Variants in GRM1 observed in about 807,000 individuals in gnomAD.
The protein encoded by GRM1 is glutamate metabotropic receptor 1.
A neutral mutation model predicts 90.9 loss-of-function variants in GRM1; 33 were observed. That is an observed-to-expected ratio of 0.36 (90% CI 0.28 to 0.49). The LOEUF is 0.49. Among genes scored for constraint, GRM1 ranks in the 20% least tolerant of loss-of-function variants. The probability of loss-of-function intolerance (pLI) is 0.99; values close to 1 mark genes in which losing one functional copy is unlikely to be tolerated. For synonymous variants in GRM1, 700 were observed against 613.2 expected (o/e 1.14, Z -2.09); for missense variants, 1,190 against 1,534.3 (o/e 0.78, Z 3.75).
chr6:146,205,482 AAAGCAACG>A (rs1356601692), intron 2 of GRM1, among the ~76,000 whole-genome samples: 1 of 152,140 alleles, frequency 6.6e-6, no homozygotes, highest in African/African-American at 2.4e-5. Context: ...TCGAAAGGGT[AAAGCAACG>A]GAAATAACAT....
chr6:146,253,655 A>G (rs1275510019), intron 2 of GRM1, among the ~76,000 whole-genome samples: 1 of 152,106 alleles, frequency 6.6e-6, no homozygotes, highest in African/African-American at 2.4e-5. Flanking sequence ...TTTTTTTCTC[A>G]AGGTGCATAA....
At chr6:146,086,416 C>T (rs1776546798) in intron 1 of GRM1, among the ~76,000 whole-genome samples, 1 of 152,078 alleles carries the variant, frequency 6.6e-6, no homozygotes, top group Non-Finnish European at 1.5e-5. Context: ...CAAGGCCAGA[C>T]TACTCTGTAA....
At chr6:146,235,461 C>A (rs1780607524) in intron 2 of GRM1, among the ~76,000 whole-genome samples, 1 of 152,044 alleles carries the variant, frequency 6.6e-6, no homozygotes, top group Non-Finnish European at 1.5e-5. Context: ...ATAAAAAATT[C>A]TCTGCCATAA....
chr6:146,148,825 T>C (rs1777209510), intron 1 of GRM1, among the ~76,000 whole-genome samples: 1 of 152,152 alleles, frequency 6.6e-6, no homozygotes, highest in Non-Finnish European at 1.5e-5. Flanking sequence ...TGTGTGTGTG[T>C]GTAATTTGGA....
rs531851673 is a variant in GRM1, at chr6:146,162,791, T to C, written c.950+3194T>C. 1.3e-4 allele frequency among the ~76,000 whole-genome samples: 20 copies of C among 150,100 alleles called. No homozygotes were observed. In the South Asian group the frequency reaches 3.9e-3, roughly 30 times the overall value. The stretch of plus-strand genomic sequence containing the variant: ...TCTCATAGAGAATAAAAATATTATA[T>C]ATTGAAAAAATGTGGTGGTAATGAA... On this transcript the variant is annotated intron_variant, in intron 2 of 7. Transcript: ENST00000282753.
intron 2 of GRM1, among the ~76,000 whole-genome samples, chr6:146,235,309 C>T (rs908193630): frequency 1.4e-4 from 22 of 151,800 alleles, no homozygotes; most frequent in African/African-American, 4.8e-4. Flanking sequence ...TATCTTTGTT[C>T]CTCTAGATGT....
At chr6:146,203,395 A>C (rs1779388306) in intron 2 of GRM1, among the ~76,000 whole-genome samples, 1 of 152,008 alleles carries the variant, frequency 6.6e-6, no homozygotes, top group African/African-American at 2.4e-5. Context: ...AGGGCATTAG[A>C]GTCCTCTGTT....
At chr6:146,194,481 A>G (rs1209887584) in intron 2 of GRM1, among the ~76,000 whole-genome samples, 1 of 152,214 alleles carries the variant, frequency 6.6e-6, no homozygotes. Flanking sequence ...ATCAGGGGCA[A>G]CTTTTGCAAC....
At chr6:146,272,445 GT>G (rs1452040016) in intron 2 of GRM1, among the ~76,000 whole-genome samples, 1 of 152,202 alleles carries the variant, frequency 6.6e-6, no homozygotes. Context: ...ACGAGAATGA[GT>G]TTCTCAAAGT....
chr6:146,364,838 C>T (rs1417676589), intron 5 of GRM1: 3 of 150,520 alleles, frequency 2.0e-5, no homozygotes, highest in African/African-American at 7.4e-5. Context: ...TACCTTAATA[C>T]CTCAGCTTAC....
chr6:146,270,631 C>T (rs1363089288), intron 2 of GRM1, among the ~76,000 whole-genome samples: 2 of 152,170 alleles, frequency 1.3e-5, no homozygotes, highest in African/African-American at 2.4e-5. Context: ...TCTACTTTCT[C>T]TTTTGTGACA....
chr6:146,318,416 G>T (rs1404181317), intron 3 of GRM1, among the ~76,000 whole-genome samples: 1 of 152,106 alleles, frequency 6.6e-6, no homozygotes, highest in East Asian at 1.9e-4. Context: ...ATGGGCATTT[G>T]GGTTGGTTCC....
chr6:146,110,954 G>A (rs183387847), intron 1 of GRM1, among the ~76,000 whole-genome samples: 177 of 152,284 alleles, frequency 1.2e-3, no homozygotes, highest in African/African-American at 4.1e-3. Flanking sequence ...GAAGGTGAAA[G>A]TTTAAAACAT....
intron 2 of GRM1, among the ~76,000 whole-genome samples, chr6:146,195,282 G>A (rs931741085): frequency 2.0e-5 from 3 of 152,112 alleles, no homozygotes; most frequent in African/African-American, 4.8e-5. Flanking sequence ...AAAAAAGCAC[G>A]AAGACGTAAT....
At chr6:146,351,425 AC>A (rs3216606) in intron 3 of GRM1, among the ~76,000 whole-genome samples, 19,716 of 152,144 alleles carry the variant, frequency 0.13, 1,527 homozygotes, top group Middle Eastern at 0.19. Flanking sequence ...ATTTCAGCAA[AC>A]CCAGTTGGTC....
chr6:146,262,492 C>A (rs1250409262), intron 2 of GRM1, among the ~76,000 whole-genome samples: 1 of 151,746 alleles, frequency 6.6e-6, no homozygotes, highest in South Asian at 2.1e-4. Context: ...ATGCATGAAT[C>A]AAAAAGGAAA....
At chr6:146,278,071 G>A (rs1240578644) in intron 2 of GRM1, among the ~76,000 whole-genome samples, 1 of 151,998 alleles carries the variant, frequency 6.6e-6, no homozygotes, top group East Asian at 1.9e-4. Context: ...TTGGATTCAA[G>A]ATTAAAGTGA....
chr6:146,374,546 C>G (rs1776022455), intron 5 of GRM1, among the ~76,000 whole-genome samples: 1 of 152,054 alleles, frequency 6.6e-6, no homozygotes, highest in African/African-American at 2.4e-5. Flanking sequence ...AATCTTGTTA[C>G]TTGTTATTGT....
intron 1 of GRM1, among the ~76,000 whole-genome samples, chr6:146,142,772 G>T (rs1030009311): frequency 6.6e-6 from 1 of 152,066 alleles, no homozygotes; most frequent in Non-Finnish European, 1.5e-5. Context: ...TCAGGCCTGA[G>T]ACTTACCCTT....
Sources: gnomAD v4.1 joint callset for allele counts (sites outside exome capture counted in the v4.1 genomes callset) on GRCh38, gnomAD v4.1.1 for gene constraint, MANE v1.5 for transcripts, NCBI Gene and HGNC (gene_info 2026-07-23, HGNC 2026-07-21) for gene names.